The following DCDC2C variants were observed in gnomAD, a reference collection of about 807,000 sequenced individuals.
The protein encoded by DCDC2C is doublecortin domain containing 2C.
In DCDC2C, 44 loss-of-function variants were observed where a neutral mutation model predicts 45.0. The ratio of observed to expected loss-of-function variants is 0.98; its 90% CI spans 0.77 to 1.26. DCDC2C has a LOEUF of 1.26. DCDC2C is among the 50% of genes most tolerant of loss of function. DCDC2C has a pLI of 0.00. For synonymous variants in DCDC2C, 187 were observed against 178.8 expected (o/e 1.05, Z -0.37); for missense variants, 447 against 468.9 (o/e 0.95, Z 0.43).
intron 8 of DCDC2C, among the ~76,000 whole-genome samples, chr2:3,772,896 C>G (rs1227320939): frequency 6.6e-6 from 1 of 152,204 alleles, no homozygotes; most frequent in Non-Finnish European, 1.5e-5. Flanking sequence ...AAAGCTCATT[C>G]TTGTAGCACA....
chr2:3,734,015 G>A lies in DCDC2C; in HGVS notation c.416+6936G>A, dbSNP rs917632391. On this transcript the variant is annotated intron_variant, in intron 3 of 10. Coordinates refer to ENST00000399143, the MANE Select transcript of DCDC2C (RefSeq NM_001287444.2). This position sits in a 1 kb window ranked among gnomAD's most constrained non-coding sequence, Gnocchi z 4.2. ...AAGTGTCATCTGATTTCTTTATGCC[G>A]TATCCCTCAGTTTTAATAAGAGCAG... 6.6e-6 allele frequency among the ~76,000 whole-genome samples: 1 copy of A among 152,148 alleles called. No homozygotes were observed. Among genetic ancestry groups the A allele is most frequent in the Non-Finnish European group, 1.5e-5 (1 of 68,024 alleles).
At chr2:3,764,821 G>T (rs1195623157) in intron 6 of DCDC2C, among the ~76,000 whole-genome samples, 1 of 152,238 alleles carries the variant, frequency 6.6e-6, no homozygotes, top group African/African-American at 2.4e-5. Flanking sequence ...ATCTAAATGT[G>T]ATGTGAATCC....
At chr2:3,745,059 C>T (rs1669322330) in intron 4 of DCDC2C, among the ~76,000 whole-genome samples, 1 of 152,182 alleles carries the variant, frequency 6.6e-6, no homozygotes, top group African/African-American at 2.4e-5. Flanking sequence ...AATCTCGGCT[C>T]ACTGCAACCT....
At chr2:3,769,186 A>G (rs1670093954) in intron 7 of DCDC2C, 125 bp from the exon 8 acceptor site, 2 of 799,944 alleles carry the variant, frequency 2.5e-6, no homozygotes, top group Non-Finnish European at 2.0e-6. Flanking sequence ...GGGACTGCAG[A>G]CCAGGTGGCC....
intron 8 of DCDC2C, among the ~76,000 whole-genome samples, chr2:3,771,581 G>A (rs1430593337): frequency 6.6e-6 from 1 of 152,214 alleles, no homozygotes; most frequent in Non-Finnish European, 1.5e-5. Flanking sequence ...ACCTTTTCTT[G>A]CTAGGACTCT....
Position 3,795,033 on chromosome 2 carries a change from T to C in DCDC2C, c.1065+9933T>C, listed in dbSNP as rs1259826277. On this transcript the variant is annotated intron_variant, in intron 10 of 10. Coordinates refer to ENST00000399143, the MANE Select transcript of DCDC2C (RefSeq NM_001287444.2). ...ACATCCTGTCCAGCACCTGTTGTTT[T>C]CTGACTTTTTAATGATTGCCATTCT... Among the ~76,000 whole-genome samples the C allele has an allele frequency of 7.2e-5, 11 of 152,266 alleles. No homozygotes were observed. The South Asian group carries it at 1.9e-3, about 26-fold the overall frequency.
In DCDC2C at chr2:3,723,236, C is replaced by T. The variant is rs923228357; in HGVS notation, c.340-3767C>T. 3.9e-5 allele frequency among the ~76,000 whole-genome samples: 6 copies of T among 152,320 alleles called. No individual in the cohort carries two copies. In the South Asian group the frequency reaches 8.3e-4, roughly 21 times the overall value. On this transcript the variant is annotated intron_variant, in intron 2 of 10. Coordinates refer to ENST00000399143, the MANE Select transcript of DCDC2C (RefSeq NM_001287444.2). ...TGGTTGAACACGACAACCAGGGTCC[C>T]TGCTCTCAGAAGCTTCCATTCTACA...
chr2:3,813,653 T>TA (rs58635684), intron 10 of DCDC2C, among the ~76,000 whole-genome samples: 1 of 151,226 alleles, frequency 6.6e-6, no homozygotes, highest in Admixed American at 6.6e-5. Context: ...TTTTTTTTTT[T>TA]ACCATTATGT....
rs118039489 is a variant in DCDC2C at position 3,717,814 on chromosome 2, G to A, written c.340-9189G>A. On this transcript the variant is annotated intron_variant, in intron 2 of 10. Coordinates refer to ENST00000399143, the MANE Select transcript of DCDC2C (RefSeq NM_001287444.2). ...TTGATGGATTTTCAGTTTCCCAAAG[G>A]CCTCTTCATGCGCCTATCCTCAAGC... Among the ~76,000 whole-genome samples, 532 of 152,244 alleles carry A rather than the reference G, an allele frequency of 3.5e-3. 6 individuals are homozygous for A. Among genetic ancestry groups the A allele is most frequent in the East Asian group, 0.019 (96 of 5,178 alleles).
rs1670431370 is a variant in DCDC2C at position 3,778,898 on chromosome 2, A to G, written c.1023+14A>G. The G allele has an allele frequency of 3.2e-6, 5 of 1,550,230 alleles. No homozygotes were observed. The highest frequency in any genetic ancestry group is 4.4e-6 in the Non-Finnish European group (5 of 1,146,602). On this transcript the variant is annotated intron_variant, in intron 9 of 10. Coordinates refer to ENST00000399143, the MANE Select transcript of DCDC2C (RefSeq NM_001287444.2). Reference sequence around the variant, plus strand: ...GAGGGCAACAAGGTGAGTTCATTTTATTTTGTGTTTAATGGCTTGGATCTA... The same window carrying G: ...GAGGGCAACAAGGTGAGTTCATTTTGTTTTGTGTTTAATGGCTTGGATCTA...
At chr2:3,743,557 C>T (rs1229965345) in intron 4 of DCDC2C, among the ~76,000 whole-genome samples, 1 of 151,970 alleles carries the variant, frequency 6.6e-6, no homozygotes, top group Non-Finnish European at 1.5e-5. Context: ...TTTTTTCTGA[C>T]CATAATGATA....
chr2:3,832,178 A>G (rs1671966580), intron 10 of DCDC2C, among the ~76,000 whole-genome samples: 1 of 152,246 alleles, frequency 6.6e-6, no homozygotes, highest in Non-Finnish European at 1.5e-5. Context: ...GGTTTCAGAA[A>G]GTATTCTTGT....
At chr2:3,710,891 G>A (rs977005492) in intron 2 of DCDC2C, among the ~76,000 whole-genome samples, 1 of 152,152 alleles carries the variant, frequency 6.6e-6, no homozygotes, top group African/African-American at 2.4e-5. Context: ...CAATGACTTT[G>A]CTATACCGAA....
chr2:3,785,210 A>G, intron 10 of DCDC2C, 110 bp downstream of exon 10: 1 of 766,562 alleles, frequency 1.3e-6, no homozygotes, highest in Non-Finnish European at 1.8e-6. Context: ...TAGGAATGTA[A>G]CTTTTATGCC....
chr2:3,753,669 C>T (rs1669607839), intron 5 of DCDC2C, among the ~76,000 whole-genome samples: 1 of 152,252 alleles, frequency 6.6e-6, no homozygotes, highest in Non-Finnish European at 1.5e-5. Flanking sequence ...CAGCCTTCCT[C>T]TATCCTTTAG....
At chr2:3,787,180 A>T (rs1348607943) in intron 10 of DCDC2C, among the ~76,000 whole-genome samples, 1 of 152,212 alleles carries the variant, frequency 6.6e-6, no homozygotes, top group Non-Finnish European at 1.5e-5. Flanking sequence ...AATGTCAAGT[A>T]ATTCTTTGGA....
At chr2:3,835,724 TTAAAA>T (rs1422531794) in intron 10 of DCDC2C, among the ~76,000 whole-genome samples, 5 of 152,262 alleles carry the variant, frequency 3.3e-5, no homozygotes, top group South Asian at 4.2e-4. Context: ...ATTTTTTATA[TTAAAA>T]TAAAAGGTAA....
At chr2:3,781,405 A>G (rs1670505666) in intron 9 of DCDC2C, among the ~76,000 whole-genome samples, 1 of 152,254 alleles carries the variant, frequency 6.6e-6, no homozygotes. Context: ...TGTCCTGTCA[A>G]CTTATGTATC....
At chr2:3,731,956 A>C (rs1668881066) in intron 3 of DCDC2C, among the ~76,000 whole-genome samples, 1 of 152,136 alleles carries the variant, frequency 6.6e-6, no homozygotes, top group Non-Finnish European at 1.5e-5. Flanking sequence ...GCCATTATGA[A>C]GGGGGTCTCA....
Sources: gnomAD v4.1 joint callset for allele counts (sites outside exome capture counted in the v4.1 genomes callset) on GRCh38, gnomAD v4.1.1 for gene constraint, Gnocchi (gnomAD v3.1) non-coding constraint, MANE v1.5 for transcripts, NCBI Gene and HGNC (gene_info 2026-07-23, HGNC 2026-07-21) for gene names.